The following TRPM3 variants were observed in gnomAD, a reference collection of about 807,000 sequenced individuals.
TRPM3 encodes the protein transient receptor potential cation channel subfamily M member 3, also known as long transient receptor potential channel 3.
A neutral mutation model predicts 181.2 loss-of-function variants in TRPM3; 77 were observed. That is an observed-to-expected ratio of 0.42 (90% CI 0.35 to 0.51). TRPM3 has a LOEUF of 0.51. Ranked by LOEUF, TRPM3 falls within the 20% of genes least tolerant of loss-of-function variation. The pLI, the probability that TRPM3 is intolerant of heterozygous loss-of-function variation, is 0.01. For synonymous variants in TRPM3, 745 were observed against 796.4 expected, an observed-to-expected ratio of 0.94 and a Z score of 1.09; for missense variants, 1,759 against 2,196.7, an observed-to-expected ratio of 0.80 and a Z score of 3.98.
chr9:71,006,607 C>T (rs147834244), intron 1 of TRPM3, among the ~76,000 whole-genome samples: 15 of 152,250 alleles, frequency 9.9e-5, no homozygotes, highest in African/African-American at 2.6e-4. Flanking sequence ...TGGTGGCTCA[C>T]GCCTGTAATC....
chr9:71,324,001 G>A (rs958241539), intron 1 of TRPM3, among the ~76,000 whole-genome samples: 2 of 152,090 alleles, frequency 1.3e-5, no homozygotes, highest in African/African-American at 4.8e-5. Flanking sequence ...CAGTGGTAGA[G>A]CCCTGACTTG....
At chr9:70,614,999 T>C (rs891161807) in intron 18 of TRPM3, among the ~76,000 whole-genome samples, 8 of 152,256 alleles carry the variant, frequency 5.3e-5, no homozygotes, top group Admixed American at 2.6e-4. Context: ...TCAGGGATTA[T>C]GTCTGCAAAT....
At chr9:71,074,253 CAT>C (rs779015291) in intron 1 of TRPM3, among the ~76,000 whole-genome samples, 4 of 152,188 alleles carry the variant, frequency 2.6e-5, no homozygotes, top group Non-Finnish European at 5.9e-5. Flanking sequence ...AGCTGTTTCT[CAT>C]AGTCTTTTAC....
At chr9:71,097,866 C>T (rs994899027) in intron 1 of TRPM3, among the ~76,000 whole-genome samples, 22 of 152,014 alleles carry the variant, frequency 1.4e-4, no homozygotes, top group African/African-American at 4.8e-4. Flanking sequence ...CTAGCAGCTG[C>T]CAAATATCAC....
At position 71,267,252 on chromosome 9, in the gene TRPM3, A is replaced by G. The variant is rs567560820; in HGVS notation, c.183+179401T>C. Among the ~76,000 whole-genome samples, 3 of 152,262 alleles carry G rather than the reference A, an allele frequency of 2.0e-5. No homozygotes were observed. In the East Asian group the frequency reaches 5.8e-4, roughly 29 times the overall value. On this transcript the variant is annotated intron_variant, in intron 1 of 24. Transcript: ENST00000357533. ...TAAGTTAACACCCACCTCTACCATT[A>G]CATGCTCTTATAACACTCTGGAATA...
intron 1 of TRPM3, among the ~76,000 whole-genome samples, chr9:71,177,022 C>A (rs1454411413): frequency 6.6e-6 from 1 of 152,032 alleles, no homozygotes; most frequent in East Asian, 1.9e-4. Flanking sequence ...TATTTACAGC[C>A]ACCTCCCATC....
chr9:70,748,172 G>A (rs1163443063), intron 8 of TRPM3, among the ~76,000 whole-genome samples: 3 of 152,116 alleles, frequency 2.0e-5, no homozygotes, highest in Non-Finnish European at 4.4e-5. Context: ...AGCCTCAAAT[G>A]CTATAGAAAA....
At chr9:70,649,203 T>TTTG (rs1311323248) in intron 9 of TRPM3, among the ~76,000 whole-genome samples, 1 of 151,840 alleles carries the variant, frequency 6.6e-6, no homozygotes, top group Non-Finnish European at 1.5e-5. Context: ...TTTTTTTTTT[T>TTTG]TTTGAGATGG....
intron 1 of TRPM3, among the ~76,000 whole-genome samples, chr9:71,327,040 T>TA (rs914699656): frequency 2.0e-5 from 3 of 152,238 alleles, no homozygotes; most frequent in African/African-American, 7.2e-5. Flanking sequence ...GCAGAGCCTC[T>TA]ACTCTTACAG....
At chr9:71,095,602 T>C (rs1402872702) in intron 1 of TRPM3, among the ~76,000 whole-genome samples, 1 of 151,214 alleles carries the variant, frequency 6.6e-6, no homozygotes, top group African/African-American at 2.4e-5. Flanking sequence ...CTACTAAAAA[T>C]ACAAAAATTA....
intron 1 of TRPM3, among the ~76,000 whole-genome samples, chr9:71,157,796 AG>A (rs1331757920): frequency 2.6e-5 from 4 of 152,186 alleles, no homozygotes; most frequent in African/African-American, 9.6e-5. Context: ...ATTGAGTTAA[AG>A]ATATGGTATT....
chr9:70,540,684 A>G (rs1395262180), intron 25 of TRPM3, among the ~76,000 whole-genome samples: 3 of 152,186 alleles, frequency 2.0e-5, no homozygotes, highest in Non-Finnish European at 4.4e-5. Context: ...AGCCTGGACA[A>G]CATAGGGAGA....
At chr9:70,973,245 C>T (rs1249498240) in intron 1 of TRPM3, among the ~76,000 whole-genome samples, 7 of 152,108 alleles carry the variant, frequency 4.6e-5, no homozygotes, top group Non-Finnish European at 8.8e-5. Flanking sequence ...TTTTATCAGT[C>T]TACATTATCA....
At chr9:70,551,020 C>T (rs73649141) in intron 24 of TRPM3, among the ~76,000 whole-genome samples, 15,188 of 152,132 alleles carry the variant, frequency 0.1, 1,197 homozygotes, top group African/African-American at 0.22. Context: ...TATGCTATTG[C>T]TATATTTGAG....
chr9:70,939,299 A>C lies in TRPM3; in HGVS notation c.178-74788T>G, dbSNP rs554115183. ...GACAGAACTTTCCAAGGTGAGCAAG[A>C]GGTTCTACCCAGTGTGGGTGCTAAT... On this transcript the variant is annotated intron_variant, in intron 1 of 25. Transcript: ENST00000677713. Among the ~76,000 whole-genome samples, 166 of 152,346 alleles carry C rather than the reference A, an allele frequency of 1.1e-3. 3 individuals are homozygous for C. Among genetic ancestry groups the C allele is most frequent in the Non-Finnish European group, 6.5e-4 (44 of 68,034 alleles).
chr9:70,612,962 C>T (rs192948331), intron 18 of TRPM3, among the ~76,000 whole-genome samples: 20 of 152,200 alleles, frequency 1.3e-4, no homozygotes, highest in Admixed American at 1.3e-3. Context: ...GGTGACTTTC[C>T]CAACAGAGCT....
chr9:70,962,907 T>A (rs942196187), intron 1 of TRPM3, among the ~76,000 whole-genome samples: 3 of 152,168 alleles, frequency 2.0e-5, no homozygotes, highest in Admixed American at 2.0e-4. Flanking sequence ...GAACATAATA[T>A]GTCCTTATGA....
chr9:71,436,008 G>A (rs1297965711), intron 1 of TRPM3, among the ~76,000 whole-genome samples: 1 of 152,190 alleles, frequency 6.6e-6, no homozygotes, highest in Admixed American at 6.5e-5. Context: ...AACTTGAATT[G>A]TATCTCCCAG....
At chr9:71,169,741 G>A (rs1225065281) in intron 1 of TRPM3, among the ~76,000 whole-genome samples, 2 of 151,954 alleles carry the variant, frequency 1.3e-5, no homozygotes, top group African/African-American at 4.8e-5. Context: ...GATCACCTGA[G>A]GTAAGGAGTT....
Sources: gnomAD v4.1 joint callset for allele counts (sites outside exome capture counted in the v4.1 genomes callset) on GRCh38, gnomAD v4.1.1 for gene constraint, MANE v1.5 for transcripts, NCBI Gene and HGNC (gene_info 2026-07-23, HGNC 2026-07-21) for gene names.